WWOX: variants seen among roughly 807,000 people sequenced by gnomAD.
WWOX encodes the protein WW domain-containing oxidoreductase.
In WWOX, 69 loss-of-function variants were observed where a neutral mutation model predicts 46.2. That is an observed-to-expected ratio of 1.49 (90% CI 1.23 to 1.82). WWOX has a LOEUF of 1.82. WWOX is among the 40% of genes most tolerant of loss of function. The probability of loss-of-function intolerance (pLI) is 0.00; values close to 1 mark genes in which losing one functional copy is unlikely to be tolerated. For missense variants in WWOX, 919 were observed against 542.6 expected, an observed-to-expected ratio of 1.69 and a Z score of -6.89; for synonymous variants, 359 against 202.6, an observed-to-expected ratio of 1.77 and a Z score of -6.56.
intron 8 of WWOX, among the ~76,000 whole-genome samples, chr16:78,866,085 T>G (rs2043997195): frequency 6.6e-6 from 1 of 152,208 alleles, no homozygotes; most frequent in South Asian, 2.1e-4. Context: ...TTGGAAATGT[T>G]AAGTTTTTTA....
chr16:78,911,771 C>G (rs572177606), intron 8 of WWOX, among the ~76,000 whole-genome samples: 1 of 152,002 alleles, frequency 6.6e-6, no homozygotes, highest in African/African-American at 2.4e-5. Flanking sequence ...GAGGCTGAGG[C>G]AGGAGAATCA....
chr16:78,676,190 T>C (rs1371444962), intron 8 of WWOX, among the ~76,000 whole-genome samples: 1 of 151,764 alleles, frequency 6.6e-6, no homozygotes, highest in African/African-American at 2.4e-5. Context: ...CTTGCTGTCT[T>C]GTTCTATTTG....
intron 5 of WWOX, among the ~76,000 whole-genome samples, chr16:78,334,065 G>C (rs181970390): frequency 3.8e-4 from 58 of 152,250 alleles, no homozygotes; most frequent in African/African-American, 1.4e-3. Context: ...GGCATTATTT[G>C]ATGTTACATC....
intron 8 of WWOX, among the ~76,000 whole-genome samples, chr16:79,009,484 T>C (rs2047259951): frequency 6.6e-6 from 1 of 152,130 alleles, no homozygotes; most frequent in Non-Finnish European, 1.5e-5. Flanking sequence ...CTTTTTTTTT[T>C]TTAGATGGAC....
intron 8 of WWOX, among the ~76,000 whole-genome samples, chr16:78,990,430 C>T (rs1023991879): frequency 6.6e-6 from 1 of 152,150 alleles, no homozygotes; most frequent in African/African-American, 2.4e-5. Flanking sequence ...GGCTGTCTAG[C>T]TTCAGTGGAT....
intron 8 of WWOX, chr16:78,895,597 T>C (rs951023403): frequency 1.3e-5 from 2 of 152,206 alleles, no homozygotes; most frequent in South Asian, 2.1e-4. Flanking sequence ...GGTTTGGAAA[T>C]GATGCCATGG....
chr16:78,116,220 G>C (rs970393427), intron 4 of WWOX, among the ~76,000 whole-genome samples: 3 of 151,990 alleles, frequency 2.0e-5, no homozygotes, highest in Admixed American at 2.0e-4. Flanking sequence ...TCAACTTGTT[G>C]TGCTATCAAA....
At chr16:79,124,928 A>C (rs8047289) in intron 8 of WWOX, among the ~76,000 whole-genome samples, 1 of 151,978 alleles carries the variant, frequency 6.6e-6, no homozygotes, top group African/African-American at 2.4e-5. Context: ...CTCATTTTCA[A>C]GCTGAAGAAC....
intron 8 of WWOX, among the ~76,000 whole-genome samples, chr16:79,031,533 A>C (rs1252952019): frequency 4.6e-5 from 7 of 152,014 alleles, no homozygotes; most frequent in Non-Finnish European, 4.4e-5. Context: ...GGAAGGGAAA[A>C]GCTACACCCC....
chr16:78,611,391 G>A (rs1298739622), intron 8 of WWOX, among the ~76,000 whole-genome samples: 2 of 152,198 alleles, frequency 1.3e-5, no homozygotes, highest in Non-Finnish European at 2.9e-5. Context: ...AGATTACTTG[G>A]TTTGAAATGA....
chr16:78,864,270 A>AT (rs35719471), intron 8 of WWOX, among the ~76,000 whole-genome samples: 27,843 of 146,104 alleles, frequency 0.19, 3,216 homozygotes, highest in Non-Finnish European at 0.27. Flanking sequence ...TACTTTACAG[A>AT]TTTTTTTTTT....
At chr16:78,440,214 G>T (rs2083414288) in intron 8 of WWOX, among the ~76,000 whole-genome samples, 2 of 152,108 alleles carry the variant, frequency 1.3e-5, no homozygotes, top group South Asian at 4.1e-4. Context: ...GATTTTATAG[G>T]ATCGTTGTGA....
chr16:78,553,237 C>T (rs780457009), intron 8 of WWOX: 1 of 152,202 alleles, frequency 6.6e-6, no homozygotes, highest in African/African-American at 2.4e-5. Context: ...ACAGGTTTAC[C>T]TATGTAACAA....
intron 5 of WWOX, among the ~76,000 whole-genome samples, chr16:78,216,866 G>C (rs1004031550): frequency 1.3e-5 from 2 of 152,004 alleles, no homozygotes; most frequent in Non-Finnish European, 2.9e-5. Context: ...TGAGTACCTG[G>C]GACCACAGGC....
intron 8 of WWOX, among the ~76,000 whole-genome samples, chr16:78,791,011 C>G (rs1259900646): frequency 9.3e-6 from 1 of 107,962 alleles, no homozygotes; most frequent in Non-Finnish European, 1.8e-5. Context: ...AGATCCAGAC[C>G]CTGTCTCAAA....
chr16:78,597,292 A>G (rs2045513894), intron 8 of WWOX, among the ~76,000 whole-genome samples: 1 of 152,148 alleles, frequency 6.6e-6, no homozygotes, highest in African/African-American at 2.4e-5. Flanking sequence ...CAATCAATTA[A>G]ACGGATACTA....
intron 5 of WWOX, among the ~76,000 whole-genome samples, chr16:78,245,312 C>G (rs1186043405): frequency 6.6e-6 from 1 of 152,224 alleles, no homozygotes; most frequent in Non-Finnish European, 1.5e-5. Flanking sequence ...TTGTCACTAA[C>G]TCTTTTCAGT....
rs188833235 is a variant in WWOX, at chr16:78,702,705, A to G, written c.1056+269953A>G. Among the ~76,000 whole-genome samples, 5 of 152,230 alleles carry G rather than the reference A, an allele frequency of 3.3e-5. No individual in the cohort carries two copies. The South Asian group carries it at 8.3e-4, about 25-fold the overall frequency. On this transcript the variant is annotated intron_variant, in intron 8 of 8. Coordinates refer to ENST00000566780, the MANE Select transcript of WWOX (RefSeq NM_016373.4). ...GAAATGATGTAACTGGTAGGGAGAA[A>G]GCCAAAGGTTAGAAAGAGAACATGA...
chr16:78,103,923 C>G (rs117592220), intron 1 of WWOX, among the ~76,000 whole-genome samples: 1,607 of 152,008 alleles, frequency 0.011, 17 homozygotes, highest in Non-Finnish European at 0.016. Flanking sequence ...GCACACATGT[C>G]CTAGCACTCC....
Sources: gnomAD v4.1 joint callset for allele counts (sites outside exome capture counted in the v4.1 genomes callset) on GRCh38, gnomAD v4.1.1 for gene constraint, MANE v1.5 for transcripts, NCBI Gene and HGNC (gene_info 2026-07-23, HGNC 2026-07-21) for gene names.